The following AKAP13 variants were observed in gnomAD, a reference collection of about 807,000 sequenced individuals.
AKAP13 encodes the protein A-kinase anchoring protein 13.
In AKAP13, 80 loss-of-function variants were observed where a neutral mutation model predicts 264.5. The observed-to-expected ratio is 0.30, with a 90% CI of 0.25 to 0.36. The LOEUF is 0.36. AKAP13 is among the 10% of genes least tolerant of loss of function. AKAP13 has a pLI of 1.00. For synonymous variants in AKAP13, 1,380 were observed against 1,250.2 expected (o/e 1.10, Z -2.19); for missense variants, 3,712 against 3,435.2 (o/e 1.08, Z -2.01).
At chr15:85,739,117 G>T (rs1428711047) in intron 33 of AKAP13, among the ~76,000 whole-genome samples, 1 of 152,052 alleles carries the variant, frequency 6.6e-6, no homozygotes, top group Non-Finnish European at 1.5e-5. Flanking sequence ...GTTTTTCTAC[G>T]TTTTGCTTTT....
intron 14 of AKAP13, among the ~76,000 whole-genome samples, chr15:85,676,425 C>T (rs2084232531): frequency 6.6e-6 from 1 of 152,166 alleles, no homozygotes; most frequent in South Asian, 2.1e-4. Flanking sequence ...TGAAGGAACA[C>T]AGGAGGAGGA....
chr15:85,740,775 A>AC (rs34080252), intron 34 of AKAP13, among the ~76,000 whole-genome samples: 1,366 of 67,270 alleles, frequency 0.02, 43 homozygotes, highest in African/African-American at 0.085. Flanking sequence ...ACACACAACC[A>AC]CCCCCCCCCC....
At chr15:85,490,716 G>A (rs2075697106) in intron 2 of AKAP13, among the ~76,000 whole-genome samples, 3 of 152,150 alleles carry the variant, frequency 2.0e-5, no homozygotes, top group Admixed American at 2.0e-4. Flanking sequence ...CTTTTATTCA[G>A]GTGCCTTCTT....
In AKAP13 at chr15:85,596,341, C is replaced by T. The variant is rs140462628; in HGVS notation, c.4161+10518C>T. Among the ~76,000 whole-genome samples, 8 of 152,160 alleles carry T rather than the reference C, an allele frequency of 5.3e-5. No homozygotes were observed. The East Asian group carries it at 1.5e-3, about 29-fold the overall frequency. The stretch of plus-strand genomic sequence containing the variant: ...AGCATAGTTGCTGGGTGTAGTGACT[C>T]ACAACTATAATCCTGGCACTTTGGG... On this transcript the variant is annotated intron_variant, in intron 8 of 36. Coordinates refer to ENST00000394518, the MANE Select transcript of AKAP13 (RefSeq NM_007200.5).
chr15:85,406,756 A>G (rs2071687848), intron 1 of AKAP13, among the ~76,000 whole-genome samples: 1 of 151,662 alleles, frequency 6.6e-6, no homozygotes, highest in South Asian at 2.1e-4. Context: ...AATTTTTGTA[A>G]ATGTAATTAG....
chr15:85,541,727 G>A (rs1019842487), intron 4 of AKAP13, among the ~76,000 whole-genome samples: 16 of 152,322 alleles, frequency 1.1e-4, no homozygotes, highest in African/African-American at 3.6e-4. Context: ...GGGTTACTGA[G>A]AAGATAGAAT....
intron 1 of AKAP13, among the ~76,000 whole-genome samples, chr15:85,464,650 C>T (rs2074655422): frequency 6.6e-6 from 1 of 152,194 alleles, no homozygotes; most frequent in South Asian, 2.1e-4. Flanking sequence ...AAGTCTGAGG[C>T]TCAGAGTTAA....
intron 19 of AKAP13, 44 bp downstream of exon 19, chr15:85,710,689 G>A (rs893207861): frequency 6.3e-7 from 1 of 1,583,170 alleles, no homozygotes; most frequent in Non-Finnish European, 8.6e-7. Context: ...CTGACTTTCT[G>A]GTTCTGAATG....
intron 1 of AKAP13, among the ~76,000 whole-genome samples, chr15:85,472,970 T>C (rs905296285): frequency 6.6e-6 from 1 of 152,226 alleles, no homozygotes; most frequent in Admixed American, 6.5e-5. Flanking sequence ...GAGAAACAGC[T>C]AGACATCTGC....
At position 85,744,937 on chromosome 15, in the gene AKAP13, C is replaced by A; in HGVS notation, c.*260C>A. 2.5e-6 allele frequency: 1 copy of A among 396,970 alleles called. No homozygotes were observed. Among genetic ancestry groups the A allele is most frequent in the Non-Finnish European group, 4.5e-6 (1 of 222,600 alleles). 24.6% of individuals were successfully genotyped at this position (396,970 alleles called of 1,614,324 possible). On this transcript the variant is annotated 3_prime_UTR_variant, in exon 37 of 37. Coordinates refer to ENST00000394518, the MANE Select transcript of AKAP13 (RefSeq NM_007200.5). Reference sequence around the variant, plus strand: ...TGGGCTGGCCCTACTCAGGATTACACTGAAAGTAATGGCCTCGTAAGTACA... The same window carrying A: ...TGGGCTGGCCCTACTCAGGATTACAATGAAAGTAATGGCCTCGTAAGTACA...
chr15:85,561,813 C>T (rs75039806), intron 5 of AKAP13, among the ~76,000 whole-genome samples: 30,697 of 151,978 alleles, frequency 0.2, 4,085 homozygotes, highest in Middle Eastern at 0.41. Flanking sequence ...GAAAAATGAC[C>T]ATAGACGCCA....
intron 1 of AKAP13, among the ~76,000 whole-genome samples, chr15:85,436,109 A>G (rs371957503): frequency 8.9e-5 from 10 of 112,184 alleles, no homozygotes; most frequent in South Asian, 3.6e-4. Context: ...TCAAAATAAA[A>G]GGATGGAGGA....
chr15:85,604,719 C>T (rs969189897), intron 8 of AKAP13, among the ~76,000 whole-genome samples: 2 of 152,150 alleles, frequency 1.3e-5, no homozygotes, highest in Non-Finnish European at 2.9e-5. Flanking sequence ...CCACCTCGGC[C>T]TCCCAAAATG....
chr15:85,493,957 G>A (rs1190431089), intron 2 of AKAP13, among the ~76,000 whole-genome samples: 1 of 152,164 alleles, frequency 6.6e-6, no homozygotes, highest in East Asian at 1.9e-4. Context: ...CTCAAAATGA[G>A]CTCTCTGTTG....
chr15:85,727,054 C>A lies in AKAP13; in HGVS notation c.6823-12C>A, dbSNP rs776632822. Reference sequence around the variant, plus strand: ...ATATGTATCTTTTATTTGCCCTCTTCCCTTTTTCCAGGACCAGAAGTCAAC... The same window carrying A: ...ATATGTATCTTTTATTTGCCCTCTTACCTTTTTCCAGGACCAGAAGTCAAC... On this transcript the variant is annotated splice_polypyrimidine_tract_variant and intron_variant, in intron 27 of 36. Coordinates refer to ENST00000394518, the MANE Select transcript of AKAP13 (RefSeq NM_007200.5). The surrounding 1 kb of genome is among the most constrained non-coding windows in gnomAD (Gnocchi z 5.3). 5.0e-6 allele frequency: 8 copies of A among 1,613,966 alleles called. No homozygotes were observed. In the East Asian group the frequency reaches 1.8e-4, roughly 36 times the overall value.
intron 3 of AKAP13, among the ~76,000 whole-genome samples, chr15:85,532,044 G>A (rs1326523200): frequency 6.6e-6 from 1 of 152,138 alleles, no homozygotes; most frequent in Non-Finnish European, 1.5e-5. Flanking sequence ...GTAACATGGG[G>A]CAAGTTACTT....
chr15:85,477,637 G>GAAAAAAAA (rs1309806715), intron 1 of AKAP13, among the ~76,000 whole-genome samples: 1 of 49,706 alleles, frequency 2.0e-5, no homozygotes. Context: ...TTAAAAAAAG[G>GAAAAAAAA]AAAAAAAAAA....
At chr15:85,683,517 G>A (rs913791677) in intron 15 of AKAP13, 8 of 152,378 alleles carry the variant, frequency 5.3e-5, no homozygotes, top group African/African-American at 1.7e-4. Flanking sequence ...CCAGGCTGGA[G>A]TGCACTGGCA....
In AKAP13 at chr15:85,708,058, T is replaced by A. The variant is rs1172588756; in HGVS notation, c.5504T>A (p.Leu1835Gln). 3 of 1,613,818 alleles carry A rather than the reference T, an allele frequency of 1.9e-6. No homozygotes were observed. The highest frequency in any genetic ancestry group is 2.5e-6 in the Non-Finnish European group (3 of 1,179,874). The change falls in exon 18 of 37, where the codon CTA becomes CAA. Residue 1835 changes from leucine to glutamine, a missense_variant. Physicochemically the swap from Leu to Gln is moderately radical, Grantham distance 113. This residue lies in a region of AKAP13 where 2,759 missense variants were observed against 2,411.7 expected (regional missense o/e 1.14). Coordinates refer to ENST00000394518, the MANE Select transcript of AKAP13 (RefSeq NM_007200.5). This position sits in a 1 kb window ranked among gnomAD's most constrained non-coding sequence, Gnocchi z 4.3. Reference sequence around the variant, plus strand: ...GTCCACAAAGGCTGCCGAGAAAGTCTAGCCTCCTGTGCAAAGGTCAAAATG... The same window carrying A: ...GTCCACAAAGGCTGCCGAGAAAGTCAAGCCTCCTGTGCAAAGGTCAAAATG... ...AFVHKGCRESLASCAKVKMKQ... is the reference protein window; with the variant it reads ...AFVHKGCRESQASCAKVKMKQ...
Sources: gnomAD v4.1 joint callset for allele counts (sites outside exome capture counted in the v4.1 genomes callset) on GRCh38, gnomAD v4.1.1 for gene constraint, gnomAD v4.1.1 regional missense constraint, Gnocchi (gnomAD v3.1) non-coding constraint, MANE v1.5 for transcripts, NCBI Gene and HGNC (gene_info 2026-07-23, HGNC 2026-07-21) for gene names.